The following FRY variants were observed in gnomAD, a reference collection of about 807,000 sequenced individuals.
The protein encoded by FRY is FRY microtubule binding protein.
A neutral mutation model predicts 348.4 loss-of-function variants in FRY; 128 were observed. The observed-to-expected ratio is 0.37, with a 90% CI of 0.32 to 0.43. FRY has a LOEUF of 0.43. Ranked by LOEUF, FRY falls within the 20% of genes least tolerant of loss-of-function variation. FRY has a pLI of 1.00. For synonymous variants in FRY, 1,370 were observed against 1,374.7 expected (o/e 1.00, Z 0.08); for missense variants, 2,736 against 3,695.2 (o/e 0.74, Z 6.73).
At chr13:32,065,314 AT>A (rs1046574918) in intron 1 of FRY, among the ~76,000 whole-genome samples, 3 of 151,482 alleles carry the variant, frequency 2.0e-5, no homozygotes, top group African/African-American at 7.3e-5. Flanking sequence ...TTAAAAAAAA[AT>A]TTTTTTTTGA....
At chr13:32,255,259 C>T (rs536128332) in intron 51 of FRY, among the ~76,000 whole-genome samples, 11 of 152,280 alleles carry the variant, frequency 7.2e-5, no homozygotes, top group Admixed American at 2.6e-4. Flanking sequence ...ATTTCCCAAA[C>T]GACTCTCTGC....
chr13:32,163,474 G>A (rs1193324519), intron 17 of FRY, among the ~76,000 whole-genome samples: 3 of 152,174 alleles, frequency 2.0e-5, no homozygotes, highest in Non-Finnish European at 4.4e-5. Flanking sequence ...GGACTGTTGC[G>A]AGGGCTAGAT....
intron 17 of FRY, among the ~76,000 whole-genome samples, chr13:32,169,639 G>A (rs1018286891): frequency 1.3e-5 from 2 of 152,104 alleles, no homozygotes; most frequent in Admixed American, 6.5e-5. Context: ...CAGTTGAGCT[G>A]CCTCTGCTTC....
At chr13:32,057,621 C>G (rs1372186642) in intron 1 of FRY, among the ~76,000 whole-genome samples, 2 of 152,244 alleles carry the variant, frequency 1.3e-5, no homozygotes, top group Non-Finnish European at 2.9e-5. Context: ...ATTCTAAGCC[C>G]GTGAAGGTAG....
intron 5 of FRY, 50 bp downstream of exon 5, chr13:32,124,426 A>G (rs772492828): frequency 1.8e-6 from 2 of 1,081,762 alleles, no homozygotes; most frequent in Non-Finnish European, 2.8e-6. Context: ...TTGATCTAAA[A>G]ACTACTTAGG....
intron 3 of FRY, among the ~76,000 whole-genome samples, chr13:32,104,384 G>C (rs1294359463): frequency 6.6e-6 from 1 of 152,178 alleles, no homozygotes; most frequent in Admixed American, 6.5e-5. Context: ...CTGTTAGCCT[G>C]GCCCCAGAAC....
At chr13:32,280,006 C>T (rs1888733708) in intron 58 of FRY, among the ~76,000 whole-genome samples, 1 of 152,180 alleles carries the variant, frequency 6.6e-6, no homozygotes, top group Admixed American at 6.5e-5. Context: ...CACATTGCTG[C>T]CCTTCTTGAA....
chr13:32,289,459 T>A (rs1889225911), intron 58 of FRY, among the ~76,000 whole-genome samples, 174 bp from the exon 59 acceptor site: 1 of 152,214 alleles, frequency 6.6e-6, no homozygotes. Flanking sequence ...TACCGTGGAT[T>A]TCTCACTGGT....
At chr13:32,076,191 C>T (rs1238532889) in intron 1 of FRY, among the ~76,000 whole-genome samples, 2 of 152,054 alleles carry the variant, frequency 1.3e-5, no homozygotes, top group East Asian at 3.8e-4. Context: ...CTTTTAGGCC[C>T]CAGAGTCATG....
chr13:32,264,133 T>C (rs1887808454), intron 53 of FRY, among the ~76,000 whole-genome samples: 1 of 152,238 alleles, frequency 6.6e-6, no homozygotes, highest in Non-Finnish European at 1.5e-5. Flanking sequence ...AAAGCTATGA[T>C]ATTAGAGAAA....
intron 47 of FRY, 42 bp downstream of exon 47, chr13:32,244,224 A>C: frequency 2.5e-6 from 4 of 1,585,318 alleles, no homozygotes; most frequent in Non-Finnish European, 3.5e-6. Flanking sequence ...AGTCGTTCTA[A>C]AAAGATGGAG....
chr13:32,139,693 G>A (rs1879939848), intron 11 of FRY, among the ~76,000 whole-genome samples: 1 of 152,162 alleles, frequency 6.6e-6, no homozygotes, highest in African/African-American at 2.4e-5. Context: ...ATAAATTGAT[G>A]AGAAATGTAT....
At chr13:32,268,504 AAATATATATATATATATAT>A (rs1249322670) in intron 55 of FRY, among the ~76,000 whole-genome samples, 2 of 16,294 alleles carry the variant, frequency 1.2e-4, no homozygotes, top group Non-Finnish European at 2.7e-4. Flanking sequence ...AAAAAAAAAA[AAATATATATATATATATAT>A]ATATATATAT....
intron 1 of FRY, among the ~76,000 whole-genome samples, chr13:32,051,938 T>C (rs1348056513): frequency 6.6e-6 from 1 of 152,266 alleles, no homozygotes; most frequent in Non-Finnish European, 1.5e-5. Flanking sequence ...TAAAAATTTT[T>C]TCCCTAGTCA....
chr13:32,213,344 A>G (rs545455432), intron 35 of FRY, among the ~76,000 whole-genome samples: 2 of 152,174 alleles, frequency 1.3e-5, no homozygotes, highest in Non-Finnish European at 1.5e-5. Flanking sequence ...TAATTCAGGC[A>G]CCAGCCAGAT....
At chr13:32,204,118 G>A (rs960021494) in intron 31 of FRY, among the ~76,000 whole-genome samples, 6 of 152,166 alleles carry the variant, frequency 3.9e-5, no homozygotes, top group African/African-American at 1.2e-4. Context: ...TAGAACAGAG[G>A]CTTTGGAGTC....
At chr13:32,195,937 G>A (rs1593724475) in intron 29 of FRY, among the ~76,000 whole-genome samples, 1 of 152,304 alleles carries the variant, frequency 6.6e-6, no homozygotes, top group East Asian at 1.9e-4. Context: ...CACAGGGCAT[G>A]TTCAGAATTT....
chr13:32,266,592 G>T (rs1015484554), intron 54 of FRY, among the ~76,000 whole-genome samples: 1 of 152,198 alleles, frequency 6.6e-6, no homozygotes, highest in African/African-American at 2.4e-5. Flanking sequence ...ATTGCTGAAG[G>T]CTAAAAGAAG....
intron 58 of FRY, among the ~76,000 whole-genome samples, chr13:32,282,039 A>G (rs1400529244): frequency 1.3e-5 from 2 of 152,224 alleles, no homozygotes; most frequent in Non-Finnish European, 2.9e-5. Flanking sequence ...GAGAAAACTG[A>G]GTCCTTACAC....
Sources: allele counts gnomAD v4.1 joint callset (sites outside exome capture counted in the v4.1 genomes callset), GRCh38; gene constraint gnomAD v4.1.1; transcripts MANE v1.5; gene names NCBI Gene and HGNC (gene_info 2026-07-23, HGNC 2026-07-21).